KIR3DL1: variants seen among roughly 807,000 people sequenced by gnomAD.
The protein encoded by KIR3DL1 is killer cell immunoglobulin like receptor, three Ig domains and long cytoplasmic tail 1.
KIR3DL1 carries 50 observed loss-of-function variants against 40.3 expected under a neutral mutation model. The observed-to-expected ratio is 1.24, with a 90% confidence interval of 0.99 to 1.57. The LOEUF is 1.57. KIR3DL1 is among the 40% of genes most tolerant of loss of function. The pLI is 0.00. For synonymous variants in KIR3DL1, 257 were observed against 207.2 expected (o/e 1.24, Z -2.07); for missense variants, 661 against 559.9 (o/e 1.18, Z -1.82).
chr19:54,829,004 G>T lies in KIR3DL1; in HGVS notation c.1001-357G>T, dbSNP rs916178100. On this transcript the variant is annotated intron_variant, in intron 6 of 8. Transcript: ENST00000391728. ...ACAACCAGCTCTCCAGGAACTAATA[G>T]AGAGGGAACTTGCTAACCCCGTCTC... 1.4e-5 allele frequency among the ~76,000 whole-genome samples: 2 copies of T among 141,994 alleles called. 1 individual carries two copies. Among genetic ancestry groups the T allele is most frequent in the South Asian group, 5.1e-4 (2 of 3,926 alleles). 93.2% of individuals were successfully genotyped at this position (141,994 alleles called of 152,430 possible).
At chr19:54,829,259 A>C in intron 6 of KIR3DL1, 102 bp from the exon 7 acceptor site, 2 of 1,015,058 alleles carry the variant, frequency 2.0e-6, no homozygotes, top group Non-Finnish European at 1.5e-6. Context: ...CTTGTCCGAA[A>C]GAGATGCTGT....
At chr19:54,818,659 G>A (rs1352293623) in intron 3 of KIR3DL1, 60 bp downstream of exon 3, 7 of 1,567,724 alleles carry the variant, frequency 4.5e-6, no homozygotes, top group Non-Finnish European at 5.2e-6. Context: ...AGAGCTTCTG[G>A]TGGGGGTGTC....
chr19:54,827,004 G>A (rs937295822), intron 6 of KIR3DL1, among the ~76,000 whole-genome samples: 13 of 151,668 alleles, frequency 8.6e-5, no homozygotes, highest in Admixed American at 7.2e-4. Flanking sequence ...TGAAAATAAG[G>A]GAGGCCCAGG....
chr19:54,824,913 C>T, intron 5 of KIR3DL1, 115 bp from the exon 6 acceptor site: 1 of 996,908 alleles, frequency 1.0e-6, no homozygotes, highest in Non-Finnish European at 1.6e-6. Context: ...TCCCAAGACT[C>T]CCAGGGTCCA....
intron 5 of KIR3DL1, among the ~76,000 whole-genome samples, chr19:54,822,152 C>T (rs1482640434): frequency 6.6e-6 from 1 of 151,104 alleles, no homozygotes; most frequent in East Asian, 1.9e-4. Flanking sequence ...TTCCCTCAGC[C>T]CCTCAATCTT....
chr19:54,820,053 C>T (rs756542512), intron 4 of KIR3DL1, 41 bp downstream of exon 4: 3 of 1,585,424 alleles, frequency 1.9e-6, no homozygotes, highest in Non-Finnish European at 2.6e-6. Flanking sequence ...CACTGGGACA[C>T]AGAGTGAATG....
intron 5 of KIR3DL1, among the ~76,000 whole-genome samples, chr19:54,822,354 G>A (rs1391529734): frequency 6.6e-6 from 1 of 151,314 alleles, no homozygotes; most frequent in Admixed American, 6.6e-5. Context: ...GCTGGGTGTG[G>A]TGGTTCACGG....
rs1044262912 is a variant in KIR3DL1 at position 54,826,457 on chromosome 19, G to A, written c.1000+1379G>A. On this transcript the variant is annotated intron_variant, in intron 6 of 8. Transcript: ENST00000391728. ...ACCCTCTCGAGTAGCTGGGATTACA[G>A]GCAACTGCCACCATGCCCGGCTAAT... is the stretch of plus-strand genomic sequence containing the variant. Among the ~76,000 whole-genome samples, 3 of 144,784 alleles carry A rather than the reference G, an allele frequency of 2.1e-5. No individual in the cohort carries two copies. In the Admixed American group the frequency reaches 2.1e-4, roughly 10 times the overall value. 95.0% of individuals were successfully genotyped at this position (144,784 alleles called of 152,430 possible).
In KIR3DL1 at chr19:54,826,747, A is replaced by G. The variant is rs1490905902; in HGVS notation, c.1000+1669A>G. Among the ~76,000 whole-genome samples the G allele has an allele frequency of 1.1e-3, 167 of 150,998 alleles. 1 individual carries two copies. Among genetic ancestry groups the G allele is most frequent in the Non-Finnish European group, 1.7e-3 (115 of 67,876 alleles). Reference sequence around the variant, plus strand: ...GAACCCCTGAAAGATTGGCGGAAGGATTTTCCACACACAGCTGTCAGCCGT... The same window carrying G: ...GAACCCCTGAAAGATTGGCGGAAGGGTTTTCCACACACAGCTGTCAGCCGT... On this transcript the variant is annotated intron_variant, in intron 6 of 8. Coordinates refer to ENST00000391728, the Ensembl canonical transcript of KIR3DL1.
intron 4 of KIR3DL1, 130 bp downstream of exon 4, chr19:54,820,142 G>T: frequency 1.0e-6 from 1 of 987,962 alleles, no homozygotes; most frequent in Non-Finnish European, 1.5e-6. Context: ...ACTTGGTGAG[G>T]TCTGTACCAA....
chr19:54,830,367 A>C (rs1480108387), exon 9 of KIR3DL1: 1 of 1,354,426 alleles, frequency 7.4e-7, no homozygotes, highest in Non-Finnish European at 1.0e-6. Flanking sequence ...AGCAGCTGGA[A>C]TCTGAAGGCG....
At chr19:54,822,016 C>G (rs1474601400) in intron 5 of KIR3DL1, among the ~76,000 whole-genome samples, 158 bp downstream of exon 5, 1 of 151,246 alleles carries the variant, frequency 6.6e-6, no homozygotes, top group Non-Finnish European at 1.5e-5. Context: ...AGGGCACCTC[C>G]AAACCCTCCT....
chr19:54,819,175 A>G (rs1481629636), intron 3 of KIR3DL1, among the ~76,000 whole-genome samples: 2 of 150,984 alleles, frequency 1.3e-5, no homozygotes, highest in African/African-American at 4.9e-5. Context: ...GGAAGGGGTC[A>G]GTGTGTTCTC....
At position 54,816,523 on chromosome 19, in the gene KIR3DL1, T is replaced by C. The variant is rs370797092; in HGVS notation, c.23T>C (p.Met8Thr). Residue 8 changes from methionine (M) to threonine (T), a missense_variant, in exon 1 of 9, where the codon ATG becomes ACG. This residue lies in a region of KIR3DL1 where 548 missense variants were observed against 413.3 expected (regional missense o/e 1.33). Coordinates refer to ENST00000391728, the Ensembl canonical transcript of KIR3DL1. ...ACCATGTCGCTCATGGTCGTCAGCA[T>C]GGCGTGTGTTGGTGAGTCCTGGAAG... 5.0e-6 allele frequency: 8 copies of C among 1,607,886 alleles called. 1 individual carries two copies. The highest frequency in any genetic ancestry group is 1.7e-5 in the Admixed American group (1 of 59,474).
rs776424441 is a variant in KIR3DL1 at position 54,818,353 on chromosome 19, G to C, written c.109G>C (p.Ala37Pro). 6.9e-6 allele frequency: 11 copies of C among 1,603,140 alleles called. 1 individual carries two copies. In the Admixed American group the frequency reaches 8.4e-5, roughly 12 times the overall value. Residue 37 changes from alanine to proline, a missense_variant, in exon 3 of 9, where the codon GCT becomes CCT. Coordinates refer to ENST00000391728, the Ensembl canonical transcript of KIR3DL1. ...ACCCTTCCTGTCTGCCTGGCCCAGC[G>C]CTGTGGTGCCTCGAGGAGGACACGT... is the stretch of plus-strand genomic sequence containing the variant.
intron 4 of KIR3DL1, among the ~76,000 whole-genome samples, 166 bp from the exon 5 acceptor site, chr19:54,821,399 G>A (rs1486625342): frequency 6.6e-6 from 1 of 151,112 alleles, no homozygotes; most frequent in Non-Finnish European, 1.5e-5. Flanking sequence ...TAGAGAGACA[G>A]AAAAGGTAGA....
rs1469572640 is a variant in KIR3DL1, at chr19:54,823,647, G to A, written c.950-1381G>A. ...AAAGTAGCTGGGATTACAGGCATGT[G>A]CCACCACGCCTAGCTAATTTTTGTA... On this transcript the variant is annotated intron_variant, in intron 5 of 8. Coordinates refer to ENST00000391728, the Ensembl canonical transcript of KIR3DL1. 5.3e-5 allele frequency among the ~76,000 whole-genome samples: 8 copies of A among 151,186 alleles called. No homozygotes were observed. The South Asian group carries it at 1.7e-3, about 32-fold the overall frequency.
intron 6 of KIR3DL1, 37 bp downstream of exon 6, chr19:54,825,115 A>G: frequency 2.2e-6 from 3 of 1,368,106 alleles, no homozygotes; most frequent in Non-Finnish European, 2.1e-6. Flanking sequence ...GCTTTTGGAA[A>G]CCTGGGGAGG....
At chr19:54,816,918 G>A (rs1464407367) in intron 1 of KIR3DL1, among the ~76,000 whole-genome samples, 6 of 143,824 alleles carry the variant, frequency 4.2e-5, no homozygotes, top group Non-Finnish European at 7.6e-5. Flanking sequence ...TTATGGGCCT[G>A]CAGTAGAGAT....
Sources: gnomAD v4.1 joint callset for allele counts (sites outside exome capture counted in the v4.1 genomes callset) on GRCh38, gnomAD v4.1.1 for gene constraint, gnomAD v4.1.1 regional missense constraint, MANE v1.5 for transcripts, NCBI Gene and HGNC (gene_info 2026-07-23, HGNC 2026-07-21) for gene names.